The following DGKB variants were observed in gnomAD, a reference collection of about 807,000 sequenced individuals.
The protein encoded by DGKB is diacylglycerol kinase beta, also known as 90 kDa diacylglycerol kinase.
Under a neutral mutation model 114.3 loss-of-function variants are expected in DGKB, and 67 were observed. The ratio of observed to expected loss-of-function variants is 0.59; its 90% CI spans 0.48 to 0.72. The LOEUF is 0.72. DGKB is among the 30% of genes least tolerant of loss of function. The pLI is 0.00. For synonymous variants in DGKB, 398 were observed against 323.1 expected (o/e 1.23, Z -2.49); for missense variants, 907 against 975.2 (o/e 0.93, Z 0.93).
chr7:14,733,942 C>T (rs529950119), intron 5 of DGKB, among the ~76,000 whole-genome samples: 1 of 151,882 alleles, frequency 6.6e-6, no homozygotes, highest in Non-Finnish European at 1.5e-5. Flanking sequence ...TATGGCTCAA[C>T]CATCTATTTC....
intron 21 of DGKB, among the ~76,000 whole-genome samples, chr7:14,461,225 G>T (rs918132629): frequency 2.0e-5 from 3 of 151,932 alleles, no homozygotes; most frequent in Non-Finnish European, 4.4e-5. Context: ...TCAAAAGCTA[G>T]CAGAAGACAA....
chr7:14,172,933 A>G (rs1781224152), intron 25 of DGKB, among the ~76,000 whole-genome samples: 1 of 152,088 alleles, frequency 6.6e-6, no homozygotes, highest in South Asian at 2.1e-4. Flanking sequence ...CATGCTCAGG[A>G]GGAAGGATGG....
chr7:14,906,886 T>C (rs989311380), upstream of DGKB, among the ~76,000 whole-genome samples: 2 of 152,238 alleles, frequency 1.3e-5, no homozygotes, highest in East Asian at 1.9e-4. Flanking sequence ...AACAGTTCAA[T>C]AGGATATAGC....
intron 23 of DGKB, among the ~76,000 whole-genome samples, chr7:14,335,980 G>C (rs112320588): frequency 0.021 from 3,246 of 152,182 alleles, 110 homozygotes; most frequent in African/African-American, 0.073. Flanking sequence ...CCTGCTTCAA[G>C]TGATCCTCCT....
intron 21 of DGKB, among the ~76,000 whole-genome samples, chr7:14,386,947 T>TATTAAAATAGTCATTAAATTTTAATAGTC (rs1371663319): frequency 6.6e-6 from 1 of 152,098 alleles, no homozygotes; most frequent in African/African-American, 2.4e-5. Flanking sequence ...TTTTAATGAC[T>TATTAAAATAGTCATTAAATTTTAATAGTC]ATTAAAATAG....
intron 21 of DGKB, among the ~76,000 whole-genome samples, chr7:14,404,714 C>A (rs373813490): frequency 3.9e-5 from 6 of 151,996 alleles, no homozygotes; most frequent in African/African-American, 1.4e-4. Flanking sequence ...GTCCCCTCCT[C>A]TATACCAGAA....
At chr7:14,766,624 C>G (rs886368328) in intron 2 of DGKB, among the ~76,000 whole-genome samples, 20 of 151,790 alleles carry the variant, frequency 1.3e-4, no homozygotes, top group African/African-American at 4.6e-4. Flanking sequence ...GTGTGGAACC[C>G]AATAGAGAAG....
chr7:14,336,894 A>G lies in DGKB; in HGVS notation c.2122+1621T>C, dbSNP rs150699243. On this transcript the variant is annotated intron_variant, in intron 23 of 25. Transcript: ENST00000402815. ...GCTGAGCCATTGAGAATCAATTTGT[A>G]TAAGTATCGGGAATGTGTAGATGCA... Among the ~76,000 whole-genome samples the G allele has an allele frequency of 7.9e-4, 120 of 152,182 alleles. 2 individuals carry two copies. The highest frequency in any genetic ancestry group is 3.2e-3 in the Middle Eastern group (1 of 316).
At chr7:14,956,222 G>T (rs1445191244) in intron 1 of DGKB, among the ~76,000 whole-genome samples, 1 of 151,882 alleles carries the variant, frequency 6.6e-6, no homozygotes, top group African/African-American at 2.4e-5. Flanking sequence ...GCATAAAGGA[G>T]ATTTCACACA....
intron 19 of DGKB, among the ~76,000 whole-genome samples, chr7:14,578,279 G>C (rs7792816): frequency 0.98 from 149,421 of 152,296 alleles, 73,316 homozygotes; most frequent in East Asian, 1. Context: ...ATAAATTACC[G>C]AGTCTTGGGT....
intron 21 of DGKB, among the ~76,000 whole-genome samples, chr7:14,365,234 G>T (rs1446222747): frequency 6.6e-6 from 1 of 152,070 alleles, no homozygotes; most frequent in East Asian, 1.9e-4. Flanking sequence ...GAAAAGTTTT[G>T]CAGAATTTTT....
At chr7:14,203,213 C>T (rs1049537355) in intron 23 of DGKB, among the ~76,000 whole-genome samples, 3 of 147,068 alleles carry the variant, frequency 2.0e-5, no homozygotes, top group Non-Finnish European at 3.0e-5. Flanking sequence ...CGTCTATCCT[C>T]TAAGGTTTTC....
intron 21 of DGKB, among the ~76,000 whole-genome samples, chr7:14,389,399 T>G (rs1474077734): frequency 6.6e-6 from 1 of 152,142 alleles, no homozygotes; most frequent in Non-Finnish European, 1.5e-5. Flanking sequence ...CTTGGTGAAC[T>G]TGAGAGCTTT....
intron 20 of DGKB, among the ~76,000 whole-genome samples, chr7:14,570,060 T>G (rs1798143944): frequency 6.6e-6 from 1 of 151,242 alleles, no homozygotes; most frequent in Admixed American, 6.6e-5. Context: ...CTAGTCATAA[T>G]ATATTTTCAA....
At position 14,895,173 on chromosome 7, in the gene DGKB, A is replaced by T. The variant is rs368138277; in HGVS notation, c.-188+7419T>A. Among the ~76,000 whole-genome samples, 27 of 151,802 alleles carry T rather than the reference A, an allele frequency of 1.8e-4. No individual in the cohort carries two copies. The South Asian group carries it at 5.2e-3, about 29-fold the overall frequency. Reference sequence around the variant, plus strand: ...CTTTAAAAGCTGTCCAAAGCAGAATAATCCTATAATATACAGGTAACAGGA... The same window carrying T: ...CTTTAAAAGCTGTCCAAAGCAGAATTATCCTATAATATACAGGTAACAGGA... On this transcript the variant is annotated intron_variant, in intron 1 of 25. Coordinates refer to ENST00000402815, the MANE Select transcript of DGKB (RefSeq NM_001350709.2).
At chr7:14,654,010 A>C (rs1210383937) in intron 13 of DGKB, among the ~76,000 whole-genome samples, 1 of 152,106 alleles carries the variant, frequency 6.6e-6, no homozygotes, top group Non-Finnish European at 1.5e-5. Context: ...CTCTTATTCA[A>C]CATACTACTA....
At chr7:14,391,127 G>T (rs1821237974) in intron 21 of DGKB, among the ~76,000 whole-genome samples, 1 of 152,154 alleles carries the variant, frequency 6.6e-6, no homozygotes, top group Admixed American at 6.5e-5. Context: ...GGTATTTTGT[G>T]ATTAAATAAT....
chr7:14,683,593 A>G (rs761479545), intron 10 of DGKB, among the ~76,000 whole-genome samples: 6 of 152,108 alleles, frequency 3.9e-5, no homozygotes, highest in Non-Finnish European at 7.4e-5. Flanking sequence ...GGTCAACTAC[A>G]TGTGTTCTTT....
intron 1 of DGKB, among the ~76,000 whole-genome samples, chr7:14,848,400 T>C (rs1433175680): frequency 6.6e-6 from 1 of 152,174 alleles, no homozygotes; most frequent in Non-Finnish European, 1.5e-5. Flanking sequence ...GAAAAATCAC[T>C]ATGTTGTTTT....
Sources: allele counts gnomAD v4.1 joint callset (sites outside exome capture counted in the v4.1 genomes callset), GRCh38; gene constraint gnomAD v4.1.1; transcripts MANE v1.5; gene names NCBI Gene and HGNC (gene_info 2026-07-23, HGNC 2026-07-21).